Variants in PSMD1 observed in about 807,000 individuals in gnomAD.
PSMD1 encodes proteasome 26S subunit, non-ATPase 1, also known as 26S proteasome non-ATPase regulatory subunit 1.
In PSMD1, 18 loss-of-function variants were observed where a neutral mutation model predicts 119.0. The ratio of observed to expected loss-of-function variants is 0.15; its 90% CI spans 0.10 to 0.22. The LOEUF is 0.22. PSMD1 is among the 10% of genes least tolerant of loss of function. PSMD1 has a pLI of 1.00. For missense variants in PSMD1, 702 were observed against 1,158.5 expected (o/e 0.61, Z 5.72); for synonymous variants, 374 against 396.6 (o/e 0.94, Z 0.68).
At chr2:231,091,596 A>G (rs1170902886) in intron 16 of PSMD1, among the ~76,000 whole-genome samples, 2 of 152,214 alleles carry the variant, frequency 1.3e-5, no homozygotes, top group Non-Finnish European at 2.9e-5. Flanking sequence ...AGTAAATAGC[A>G]TAAGACAAAC....
In PSMD1 at chr2:231,170,107, TTGAC is replaced by T. The variant is rs1696880962; in HGVS notation, c.2716-456_2716-453del. On this transcript the variant is annotated intron_variant, in intron 23 of 24. Coordinates refer to ENST00000308696, the MANE Select transcript of PSMD1 (RefSeq NM_002807.4). The surrounding 1 kb of genome is among the most constrained non-coding windows in gnomAD (Gnocchi z 4.1). Reference sequence around the variant, plus strand: ...TTCTCAAACTTCAGTGTGCATCAGATTGACTGGGATCTTGTTAGAATGCAGATTC... The same window carrying T: ...TTCTCAAACTTCAGTGTGCATCAGATTGGGATCTTGTTAGAATGCAGATTC... Among the ~76,000 whole-genome samples, 1 of 152,208 alleles carries T rather than the reference TTGAC, an allele frequency of 6.6e-6. No homozygotes were observed. The highest frequency in any genetic ancestry group is 1.5e-5 in the Non-Finnish European group (1 of 68,038).
rs765673865 is a variant in PSMD1 at position 231,079,605 on chromosome 2, A to C, written c.1230A>C (p.Val410=). 6.2e-7 allele frequency: 1 copy of C among 1,603,208 alleles called. No homozygotes were observed. The highest frequency in any genetic ancestry group is 2.2e-5 in the East Asian group (1 of 44,650). The change falls in exon 11 of 25, where the codon GTA becomes GTC. Residue 410 remains valine (V), a synonymous_variant. Transcript: ENST00000308696. ...AKFTATASLG[V]IHKGHEKEAL... ...TTACTGCTACAGCCAGTTTGGGTGTAATTCATAAGGTAATATATATTGGTC... is the reference window on the plus strand; with the variant it reads ...TTACTGCTACAGCCAGTTTGGGTGTCATTCATAAGGTAATATATATTGGTC...
At chr2:231,083,518 G>A in intron 13 of PSMD1, 49 bp from the exon 14 acceptor site, 2 of 1,582,900 alleles carry the variant, frequency 1.3e-6, no homozygotes, top group Non-Finnish European at 1.7e-6. Context: ...ATGTTTTACT[G>A]ACTTTAAAAA....
chr2:231,102,583 A>G (rs906029371), intron 16 of PSMD1, among the ~76,000 whole-genome samples: 13 of 152,226 alleles, frequency 8.5e-5, no homozygotes, highest in Admixed American at 8.5e-4. Flanking sequence ...ATCATAAGGA[A>G]GAGAAAACAC....
At chr2:231,093,989 C>G (rs1213214545) in intron 16 of PSMD1, among the ~76,000 whole-genome samples, 1 of 152,098 alleles carries the variant, frequency 6.6e-6, no homozygotes, top group African/African-American at 2.4e-5. Context: ...TGGGTGGACT[C>G]TCCAGGAAAA....
Position 231,077,150 on chromosome 2 carries a change from A to G in PSMD1, c.1059A>G (p.Leu353=). The change falls in exon 9 of 25, where the codon CTA becomes CTG. Residue 353 remains leucine (L), a synonymous_variant. Transcript: ENST00000308696. ...IRNNNTDLMI[L]KNTKDAVRNS... is the part of the protein sequence containing the mutation. ...ACAATAATACAGACCTCATGATTCT[A>G]AAAAACACAAAGGTAAGAAATTCAT... 1.3e-6 allele frequency: 2 copies of G among 1,527,268 alleles called. No homozygotes were observed. The highest frequency in any genetic ancestry group is 1.8e-6 in the Non-Finnish European group (2 of 1,132,266). The allele number at this position is 1,527,268 out of a possible 1,614,324, so 94.6% of individuals were successfully genotyped here.
At chr2:231,115,545 A>C (rs1695300727) in intron 16 of PSMD1, among the ~76,000 whole-genome samples, 1 of 152,182 alleles carries the variant, frequency 6.6e-6, no homozygotes, top group Admixed American at 6.5e-5. Flanking sequence ...AGGGTCATTC[A>C]TACTTTTCAG....
intron 16 of PSMD1, among the ~76,000 whole-genome samples, chr2:231,116,206 C>CT (rs1410519220): frequency 1.3e-5 from 2 of 152,068 alleles, no homozygotes; most frequent in East Asian, 3.9e-4. Context: ...AACTAACAGT[C>CT]TAAGTATAGT....
chr2:231,086,943 A>G (rs888647234), intron 15 of PSMD1, among the ~76,000 whole-genome samples, 174 bp from the exon 16 acceptor site: 1 of 152,116 alleles, frequency 6.6e-6, no homozygotes, highest in African/African-American at 2.4e-5. Context: ...ACATGTGTCT[A>G]TTTTTTGAAT....
chr2:231,077,008 C>T, intron 8 of PSMD1, 26 bp from the exon 9 acceptor site: 1 of 1,577,284 alleles, frequency 6.3e-7, no homozygotes. Context: ...TATGAGTTTT[C>T]ATTTTTTTTT....
rs187857453 is a variant in PSMD1 at position 231,073,702 on chromosome 2, C to T, written c.881+1287C>T. ...TTGTAGATTCAGTGCAGAGGTTTTA[C>T]ACATCTTTTCTTAAATTAATGTTCT... On this transcript the variant is annotated intron_variant, in intron 7 of 24. Coordinates refer to ENST00000308696, the MANE Select transcript of PSMD1 (RefSeq NM_002807.4). Among the ~76,000 whole-genome samples, 15 of 152,050 alleles carry T rather than the reference C, an allele frequency of 9.9e-5. No individual in the cohort carries two copies. The East Asian group carries it at 1.9e-3, about 20-fold the overall frequency.
intron 17 of PSMD1, among the ~76,000 whole-genome samples, chr2:231,140,306 C>A (rs898758940): frequency 6.6e-6 from 1 of 150,880 alleles, no homozygotes; most frequent in African/African-American, 2.4e-5. Context: ...TCAGCCTGAC[C>A]ATCATGGTGT....
intron 4 of PSMD1, among the ~76,000 whole-genome samples, chr2:231,063,465 G>C (rs1312564451): frequency 6.6e-6 from 1 of 152,202 alleles, no homozygotes; most frequent in Non-Finnish European, 1.5e-5. Context: ...GTGCAGTGCA[G>C]ATATTTCACA....
At chr2:231,082,135 T>C (rs2125172014) in intron 12 of PSMD1, among the ~76,000 whole-genome samples, 1 of 152,340 alleles carries the variant, frequency 6.6e-6, no homozygotes, top group South Asian at 2.1e-4. Context: ...CAATGATGGC[T>C]CACTGCAGCT....
At chr2:231,138,975 A>G (rs1168388689) in intron 17 of PSMD1, 125 bp downstream of exon 17, 2 of 778,742 alleles carry the variant, frequency 2.6e-6, no homozygotes, top group Middle Eastern at 2.2e-4. Context: ...AACTTGCCAT[A>G]CAAAGCTTCC....
intron 18 of PSMD1, among the ~76,000 whole-genome samples, chr2:231,148,858 T>A (rs1055374362): frequency 2.0e-5 from 3 of 152,214 alleles, no homozygotes; most frequent in African/African-American, 7.2e-5. Flanking sequence ...GTATACAGCA[T>A]GTTGCCAAAA....
At chr2:231,120,512 A>G (rs1257610259) in intron 16 of PSMD1, among the ~76,000 whole-genome samples, 1 of 152,202 alleles carries the variant, frequency 6.6e-6, no homozygotes, top group African/African-American at 2.4e-5. Flanking sequence ...GTGGCAGAAA[A>G]ATTGACCTAG....
chr2:231,147,333 A>G (rs1696275410), intron 18 of PSMD1, among the ~76,000 whole-genome samples: 1 of 152,094 alleles, frequency 6.6e-6, no homozygotes, highest in Non-Finnish European at 1.5e-5. Context: ...CATCACTACA[A>G]AGAATTAAAA....
At chr2:231,142,904 A>T (rs1160661750) in intron 17 of PSMD1, among the ~76,000 whole-genome samples, 1 of 152,070 alleles carries the variant, frequency 6.6e-6, no homozygotes, top group Non-Finnish European at 1.5e-5. Flanking sequence ...CTCTAATTTT[A>T]ATATATATAT....
Sources: allele counts gnomAD v4.1 joint callset (sites outside exome capture counted in the v4.1 genomes callset), GRCh38; gene constraint gnomAD v4.1.1; non-coding constraint Gnocchi (gnomAD v3.1); transcripts MANE v1.5; gene names NCBI Gene and HGNC (gene_info 2026-07-23, HGNC 2026-07-21).